FOXO3: variants seen among roughly 807,000 people sequenced by gnomAD.
FOXO3 encodes forkhead box O3, also known as forkhead box protein O3.
A neutral mutation model predicts 41.9 loss-of-function variants in FOXO3; 4 were observed. The observed-to-expected ratio is 0.10, with a 90% CI of 0.05 to 0.22. The LOEUF is 0.22. Among genes scored for constraint, FOXO3 ranks in the 10% least tolerant of loss-of-function variants. The probability of loss-of-function intolerance (pLI) is 1.00; values close to 1 mark genes in which losing one functional copy is unlikely to be tolerated. For synonymous variants in FOXO3, 318 were observed against 389.3 expected (o/e 0.82, Z 2.16); for missense variants, 534 against 906.8 (o/e 0.59, Z 5.28).
At chr6:108,668,700 G>A (rs1245149311) in intron 2 of FOXO3, among the ~76,000 whole-genome samples, 1 of 152,178 alleles carries the variant, frequency 6.6e-6, no homozygotes, top group African/African-American at 2.4e-5. Context: ...ACCAGCAAAA[G>A]CCCAGATGGA....
chr6:108,633,812 A>G (rs1202793219), intron 1 of FOXO3, among the ~76,000 whole-genome samples: 1 of 151,464 alleles, frequency 6.6e-6, no homozygotes, highest in Non-Finnish European at 1.5e-5. Context: ...CCTTTGTACT[A>G]TTTTTTACTT....
chr6:108,563,671 A>G (rs1775875651), intron 1 of FOXO3, among the ~76,000 whole-genome samples: 1 of 152,354 alleles, frequency 6.6e-6, no homozygotes, highest in Admixed American at 6.5e-5. Flanking sequence ...CTTAGTTAAA[A>G]CGTTAACGTA....
chr6:108,595,121 T>C (rs1228573613), intron 1 of FOXO3, among the ~76,000 whole-genome samples: 2 of 151,998 alleles, frequency 1.3e-5, no homozygotes, highest in Admixed American at 6.6e-5. Context: ...CTCTTTCTGC[T>C]CCCCCTCCCA....
intron 1 of FOXO3, among the ~76,000 whole-genome samples, chr6:108,624,170 C>T (rs1018322437): frequency 2.0e-5 from 3 of 152,154 alleles, no homozygotes; most frequent in Non-Finnish European, 4.4e-5. Flanking sequence ...AGTTTGTACA[C>T]CCAGGTCACA....
chr6:108,647,563 G>T (rs1778425850), intron 1 of FOXO3, among the ~76,000 whole-genome samples: 1 of 152,160 alleles, frequency 6.6e-6, no homozygotes, highest in African/African-American at 2.4e-5. Context: ...GGAACTACTG[G>T]CCCATTTTAT....
chr6:108,649,115 G>A (rs1778476485), intron 1 of FOXO3, among the ~76,000 whole-genome samples: 1 of 151,654 alleles, frequency 6.6e-6, no homozygotes, highest in Non-Finnish European at 1.5e-5. Context: ...TTCTCTCATG[G>A]CACAGCAGCC....
intron 1 of FOXO3, among the ~76,000 whole-genome samples, chr6:108,581,464 A>G (rs1309445655): frequency 6.6e-6 from 1 of 152,204 alleles, no homozygotes; most frequent in African/African-American, 2.4e-5. Flanking sequence ...TTCAAAGAAC[A>G]TTATCAAACA....
chr6:108,621,412 A>G (rs1456069275), intron 1 of FOXO3, among the ~76,000 whole-genome samples: 2 of 152,234 alleles, frequency 1.3e-5, no homozygotes, highest in Admixed American at 6.5e-5. Flanking sequence ...AGGCCATGGC[A>G]GGAGCACAGT....
In FOXO3 at chr6:108,681,066, T is replaced by C. The variant is rs751956119; in HGVS notation, c.*1274T>C. The C allele has an allele frequency of 6.5e-6, 1 of 152,672 alleles. No individual in the cohort carries two copies. The highest frequency in any genetic ancestry group is 6.5e-5 in the Admixed American group (1 of 15,282). 9.5% of individuals were successfully genotyped at this position (152,672 alleles called of 1,614,324 possible). ...GGGCAGTTTTAACTTTTTTTTCTGC[T>C]TCTATGGATTTCATTTTGTTGTGTT... On this transcript the variant is annotated 3_prime_UTR_variant, in exon 3 of 3. Transcript: ENST00000406360.
chr6:108,626,499 G>GATGA (rs987941354), intron 1 of FOXO3, among the ~76,000 whole-genome samples: 2 of 152,188 alleles, frequency 1.3e-5, no homozygotes, highest in African/African-American at 4.8e-5. Context: ...TGATTTTTGA[G>GATGA]ATGAAGAACA....
At chr6:108,584,767 T>C (rs1441617168) in intron 1 of FOXO3, among the ~76,000 whole-genome samples, 2 of 152,188 alleles carry the variant, frequency 1.3e-5, no homozygotes, top group Non-Finnish European at 2.9e-5. Flanking sequence ...AGATTTTCAT[T>C]TGGCTAAAAT....
intron 1 of FOXO3, among the ~76,000 whole-genome samples, chr6:108,600,475 A>C (rs1255783520): frequency 7.5e-6 from 1 of 133,674 alleles, no homozygotes; most frequent in East Asian, 2.5e-4. Context: ...TGAACTGGGG[A>C]GGCAGAGATT....
intron 1 of FOXO3, among the ~76,000 whole-genome samples, chr6:108,630,826 C>T (rs921456316): frequency 6.6e-6 from 1 of 152,142 alleles, no homozygotes; most frequent in Non-Finnish European, 1.5e-5. Context: ...AACTCTGCTG[C>T]CCTTTCTTCC....
chr6:108,616,308 G>A (rs1777512823), intron 1 of FOXO3, among the ~76,000 whole-genome samples: 1 of 151,870 alleles, frequency 6.6e-6, no homozygotes, highest in African/African-American at 2.4e-5. Context: ...GGGACTACAG[G>A]CACCCACCAC....
At chr6:108,622,803 C>G (rs1425461222) in intron 1 of FOXO3, among the ~76,000 whole-genome samples, 1 of 151,990 alleles carries the variant, frequency 6.6e-6, no homozygotes, top group Non-Finnish European at 1.5e-5. Context: ...TAGCAGAAGA[C>G]GTAGATGCAG....
At chr6:108,674,222 A>T (rs1011411510) in intron 2 of FOXO3, among the ~76,000 whole-genome samples, 1 of 152,206 alleles carries the variant, frequency 6.6e-6, no homozygotes, top group African/African-American at 2.4e-5. Context: ...TGAGTAGGTC[A>T]TGGAAGCAGT....
chr6:108,678,388 C>G (rs1770702377), intron 2 of FOXO3, among the ~76,000 whole-genome samples: 1 of 151,366 alleles, frequency 6.6e-6, no homozygotes, highest in African/African-American at 2.4e-5. Context: ...AGAGCCGTTT[C>G]TTTACTACCA....
chr6:108,579,259 A>G (rs917995254), intron 1 of FOXO3, among the ~76,000 whole-genome samples: 8 of 152,198 alleles, frequency 5.3e-5, no homozygotes, highest in African/African-American at 1.9e-4. Context: ...CCTCCGAGGT[A>G]CAGTGATCTG....
chr6:108,627,662 A>G (rs986045099), intron 1 of FOXO3, among the ~76,000 whole-genome samples: 2 of 152,170 alleles, frequency 1.3e-5, no homozygotes, highest in South Asian at 4.1e-4. Flanking sequence ...CTTGGGGCAC[A>G]CATAAAATAC....
Sources: allele counts gnomAD v4.1 joint callset (sites outside exome capture counted in the v4.1 genomes callset), GRCh38; gene constraint gnomAD v4.1.1; transcripts MANE v1.5; gene names NCBI Gene and HGNC (gene_info 2026-07-23, HGNC 2026-07-21).